Variants in ADGRG1 observed in about 807,000 individuals in gnomAD.
ADGRG1 encodes the protein 7-transmembrane protein with no EGF-like N-terminal domains-1.
A neutral mutation model predicts 73.5 loss-of-function variants in ADGRG1; 53 were observed. The observed-to-expected ratio is 0.72, with a 90% CI of 0.58 to 0.91. ADGRG1 has a LOEUF of 0.91. Among genes scored for constraint, ADGRG1 ranks in the 40% least tolerant of loss-of-function variants. The probability of loss-of-function intolerance (pLI) is 0.00; values close to 1 mark genes in which losing one functional copy is unlikely to be tolerated. For synonymous variants in ADGRG1, 394 were observed against 374.4 expected (o/e 1.05, Z -0.60); for missense variants, 795 against 871.8 (o/e 0.91, Z 1.11).
intron 1 of ADGRG1, chr16:57,632,124 G>A: frequency 1.0e-6 from 1 of 985,466 alleles, no homozygotes; most frequent in Non-Finnish European, 1.2e-6. Flanking sequence ...ATTGAGGCAG[G>A]GGAGGCTTAC....
intron 10 of ADGRG1, among the ~76,000 whole-genome samples, chr16:57,657,751 A>T (rs537919894): frequency 3.3e-5 from 5 of 151,146 alleles, no homozygotes; most frequent in South Asian, 4.2e-4. Flanking sequence ...TATTATTATT[A>T]TTTTTTTGAG....
At chr16:57,642,989 G>A (rs17325839) in intron 1 of ADGRG1, 21,345 of 152,276 alleles carry the variant, frequency 0.14, 1,899 homozygotes, top group Non-Finnish European at 0.2. Flanking sequence ...TTTGCAGGAT[G>A]CCAGCGGCTA....
intron 4 of ADGRG1, 46 bp from the exon 5 acceptor site, chr16:57,653,940 C>T: frequency 6.2e-7 from 1 of 1,612,106 alleles, no homozygotes. Flanking sequence ...TCCCTGGTGG[C>T]CCGGCCCCCT....
chr16:57,621,821 G>A, intron 2 of ADGRG1: 1 of 982,188 alleles, frequency 1.0e-6, no homozygotes. Context: ...TTAGGGGCAA[G>A]AGCAGCAAGT....
At chr16:57,639,474 C>G in intron 1 of ADGRG1, 1 of 985,438 alleles carries the variant, frequency 1.0e-6, no homozygotes, top group African/African-American at 1.7e-5. Flanking sequence ...CCTGGCTGTC[C>G]CCTTTGTTTG....
Position 57,628,921 on chromosome 16 carries a change from AGT to A in ADGRG1, c.-36+123_-36+124del, listed in dbSNP as rs751947630. On this transcript the variant is annotated intron_variant, in intron 1 of 13. Coordinates refer to ENST00000562631, the MANE Select transcript of ADGRG1 (RefSeq NM_201525.4). ...GTGTGAGTGTGAGTGTGTGAGAGTG[AGT>A]GTGAGTGTGAGTGTGAGCGTGAGAG... is the stretch of plus-strand genomic sequence containing the variant. 3,993 of 645,476 alleles carry A rather than the reference AGT, an allele frequency of 6.2e-3. 191 individuals are homozygous for A. The East Asian group carries it at 0.18, about 30-fold the overall frequency. The allele number at this position is 645,476 out of a possible 1,614,324, so 40.0% of individuals were successfully genotyped here. A position where few individuals can be genotyped will look rare whatever the true frequency, so the allele number is the denominator to read the frequency against.
chr16:57,660,144 C>A, intron 11 of ADGRG1: 1 of 465,544 alleles, frequency 2.1e-6, no homozygotes, highest in Non-Finnish European at 2.8e-6. Context: ...CTGTGGCCAG[C>A]CCTCTTATGT....
intron 5 of ADGRG1, 83 bp downstream of exon 5, chr16:57,654,216 C>T: frequency 7.2e-7 from 1 of 1,395,100 alleles, no homozygotes; most frequent in Non-Finnish European, 9.9e-7. Flanking sequence ...CTCCCTGAAG[C>T]TCAGTGCCGT....
At chr16:57,628,368 G>A (rs2036321105), upstream of ADGRG1, 1 of 379,486 alleles carries the variant, frequency 2.6e-6, no homozygotes, top group Non-Finnish European at 3.6e-6. Context: ...GTGATCCCCG[G>A]CCCCTTCCTG....
rs146478646 is a variant in ADGRG1, at chr16:57,650,769, C to T, written c.64+418C>T. ...TGTCGCCCAGGCTGGAGTGCAGTGG[C>T]GGGATCTCGGCTCACTGCAAGCTCC... On this transcript the variant is annotated intron_variant, in intron 2 of 13. Transcript: ENST00000562631. 8.3e-3 allele frequency among the ~76,000 whole-genome samples: 1,116 copies of T among 134,360 alleles called. 15 individuals carry two copies. Among genetic ancestry groups the T allele is most frequent in the African/African-American group, 0.028 (972 of 34,190 alleles). The allele number at this position is 134,360 out of a possible 152,430, so 88.1% of individuals were successfully genotyped here.
rs890705011 is a variant in ADGRG1, at chr16:57,663,970, G to A, written c.*388G>A. On this transcript the variant is annotated 3_prime_UTR_variant, in exon 14 of 14. Transcript: ENST00000562631. ...TCCTTAATCCTGTGCCCCTGCCTGGGACAGAAATGTGGCTCCAGTTGCTCT... is the reference window on the plus strand; with the variant it reads ...TCCTTAATCCTGTGCCCCTGCCTGGAACAGAAATGTGGCTCCAGTTGCTCT... The A allele has an allele frequency of 2.7e-5, 8 of 291,688 alleles. No homozygotes were observed. The Admixed American group carries it at 3.9e-4, about 14-fold the overall frequency. 18.1% of individuals were successfully genotyped at this position (291,688 alleles called of 1,614,324 possible). A position where few individuals can be genotyped will look rare whatever the true frequency, so the allele number is the denominator to read the frequency against.
In ADGRG1 at chr16:57,652,824, G is replaced by A. The variant is rs1401289972; in HGVS notation, c.488-379G>A. 7 of 1,111,556 alleles carry A rather than the reference G, an allele frequency of 6.3e-6. No homozygotes were observed. The African/African-American group carries it at 8.2e-5, about 13-fold the overall frequency. The allele number at this position is 1,111,556 out of a possible 1,614,324, so 68.9% of individuals were successfully genotyped here. On this transcript the variant is annotated intron_variant, in intron 3 of 13. Transcript: ENST00000562631. ...CTGGGCAGAGGGGCCCGAGCCTGGA[G>A]TCAGGGAGGCTGGTGGGTGTGGAGT...
upstream of ADGRG1, chr16:57,628,491 C>T (rs2036348752): frequency 2.0e-6 from 2 of 985,202 alleles, no homozygotes; most frequent in South Asian, 4.7e-5. Context: ...GCCCTGCCCC[C>T]TCCTGGTCTC....
At chr16:57,661,395 G>T (rs575454796) in intron 12 of ADGRG1, 2 of 985,248 alleles carry the variant, frequency 2.0e-6, no homozygotes, top group African/African-American at 3.5e-5. Context: ...CTGAGCTCCA[G>T]CCTGGGAAGG....
intron 1 of ADGRG1, chr16:57,632,733 T>C (rs1375011406): frequency 4.1e-6 from 4 of 965,190 alleles, no homozygotes; most frequent in Non-Finnish European, 4.9e-6. Flanking sequence ...TGTGGTATGC[T>C]TGGCAGTTCC....
At chr16:57,656,075 C>T (rs1290224750) in intron 7 of ADGRG1, 83 bp downstream of exon 7, 3 of 1,613,482 alleles carry the variant, frequency 1.9e-6, no homozygotes, top group Non-Finnish European at 2.5e-6. Flanking sequence ...ACTCATTTGT[C>T]TTTATAATGA....
chr16:57,626,755 G>GC, upstream of ADGRG1: 1 of 985,396 alleles, frequency 1.0e-6, no homozygotes, highest in Non-Finnish European at 1.2e-6. Context: ...TGCCCTGTGG[G>GC]CCTGGTCCCT....
chr16:57,646,530 G>A lies in ADGRG1; in HGVS notation c.-35-3723G>A, dbSNP rs538030005. ...GTCAAGGGCGGCTGCTCTGGAAGCT[G>A]GGGGTTGTGGGGGCTTCCTTGGGCC... is the stretch of plus-strand genomic sequence containing the variant. On this transcript the variant is annotated intron_variant, in intron 1 of 13. Coordinates refer to ENST00000562631, the MANE Select transcript of ADGRG1 (RefSeq NM_201525.4). 130 of 985,428 alleles carry A rather than the reference G, an allele frequency of 1.3e-4. No individual in the cohort carries two copies. The African/African-American group carries it at 1.7e-3, about 13-fold the overall frequency. 61.0% of individuals were successfully genotyped at this position (985,428 alleles called of 1,614,324 possible).
intron 4 of ADGRG1, 115 bp downstream of exon 4, chr16:57,653,450 G>A (rs1166510796): frequency 4.6e-6 from 7 of 1,530,362 alleles, no homozygotes; most frequent in Admixed American, 2.0e-5. Context: ...GGACTGGAAT[G>A]CTTCTTTGAT....
Sources: gnomAD v4.1 joint callset for allele counts (sites outside exome capture counted in the v4.1 genomes callset) on GRCh38, gnomAD v4.1.1 for gene constraint, MANE v1.5 for transcripts, NCBI Gene and HGNC (gene_info 2026-07-23, HGNC 2026-07-21) for gene names.